The following KALRN variants were observed in gnomAD, a reference collection of about 807,000 sequenced individuals.
The protein encoded by KALRN is kalirin.
KALRN carries 70 observed loss-of-function variants against 353.7 expected under a neutral mutation model. The ratio of observed to expected loss-of-function variants is 0.20; its 90% CI spans 0.16 to 0.24. The LOEUF is 0.24. Among genes scored for constraint, KALRN ranks in the 10% least tolerant of loss-of-function variants. The probability of loss-of-function intolerance (pLI) is 1.00; values close to 1 mark genes in which losing one functional copy is unlikely to be tolerated. For missense variants in KALRN, 2,791 were observed against 3,756.7 expected (o/e 0.74, Z 6.72); for synonymous variants, 1,391 against 1,434.8 (o/e 0.97, Z 0.69).
chr3:124,327,016 A>G (rs2079985544), intron 7 of KALRN, among the ~76,000 whole-genome samples: 1 of 152,152 alleles, frequency 6.6e-6, no homozygotes, highest in Admixed American at 6.6e-5. Flanking sequence ...TGTATGGATC[A>G]CCTCTTCCCA....
At chr3:124,187,199 G>A (rs923130321) in intron 1 of KALRN, among the ~76,000 whole-genome samples, 11 of 152,148 alleles carry the variant, frequency 7.2e-5, no homozygotes, top group African/African-American at 2.7e-4. Flanking sequence ...TCCTGCTTCA[G>A]CCTCTTGAGT....
chr3:124,600,637 ATT>A (rs2149446529), intron 34 of KALRN, among the ~76,000 whole-genome samples: 1 of 149,218 alleles, frequency 6.7e-6, no homozygotes, highest in African/African-American at 2.6e-5. Flanking sequence ...ATACCATGAA[ATT>A]TATATATATA....
At chr3:124,089,411 A>C (rs192395993) in intron 1 of KALRN, among the ~76,000 whole-genome samples, 1 of 152,188 alleles carries the variant, frequency 6.6e-6, no homozygotes, top group African/African-American at 2.4e-5. Context: ...AGGGACTGAG[A>C]GATGTGAGGA....
chr3:124,214,384 T>C (rs1047815919), intron 1 of KALRN, among the ~76,000 whole-genome samples: 1 of 152,208 alleles, frequency 6.6e-6, no homozygotes. Context: ...TTTTGAAATA[T>C]ATAAAGCTAT....
At chr3:124,400,092 C>A (rs886298715) in intron 13 of KALRN, among the ~76,000 whole-genome samples, 1 of 152,196 alleles carries the variant, frequency 6.6e-6, no homozygotes, top group African/African-American at 2.4e-5. Context: ...GTGAGCTTCC[C>A]AATAATATCT....
intron 37 of KALRN, among the ~76,000 whole-genome samples, chr3:124,642,808 T>TGTTG (rs796191820): frequency 7.9e-6 from 1 of 126,846 alleles, no homozygotes; most frequent in African/African-American, 3.4e-5. Context: ...CAAGCCTCGT[T>TGTTG]TTTTTTTTTT....
chr3:124,192,409 G>C (rs1034129630), intron 1 of KALRN, among the ~76,000 whole-genome samples: 10 of 152,134 alleles, frequency 6.6e-5, no homozygotes, highest in Non-Finnish European at 1.3e-4. Context: ...GAGCGGGGAG[G>C]TGGGAATGGT....
intron 1 of KALRN, among the ~76,000 whole-genome samples, chr3:124,156,173 C>T (rs897883958): frequency 6.6e-6 from 1 of 152,186 alleles, no homozygotes; most frequent in Non-Finnish European, 1.5e-5. Context: ...CTGGTCTAGG[C>T]ACCTTTAAGT....
chr3:124,612,846 G>A lies in KALRN; in HGVS notation c.5183-19574G>A, dbSNP rs1170243804. 5.3e-5 allele frequency among the ~76,000 whole-genome samples: 8 copies of A among 152,254 alleles called. No homozygotes were observed. The East Asian group carries it at 7.7e-4, about 15-fold the overall frequency. Reference sequence around the variant, plus strand: ...CTCAACAAGCATGTGTTGAATGAACGAATAATAAAGTAGTATCTTCAAATA... The same window carrying A: ...CTCAACAAGCATGTGTTGAATGAACAAATAATAAAGTAGTATCTTCAAATA... On this transcript the variant is annotated intron_variant, in intron 34 of 59. Coordinates refer to ENST00000682506, the MANE Select transcript of KALRN (RefSeq NM_001388419.1).
intron 6 of KALRN, among the ~76,000 whole-genome samples, chr3:124,301,215 G>T (rs1319752662): frequency 6.6e-6 from 1 of 152,212 alleles, no homozygotes; most frequent in Admixed American, 6.5e-5. Flanking sequence ...TGAATTAACT[G>T]CTCTTCTCTG....
At position 124,587,698 on chromosome 3, in the gene KALRN, C is replaced by CTTTTTTTTTTTTTTTTTTTTT. The variant is rs529810541; in HGVS notation, c.5182+24614_5182+24634dup. 2.1e-4 allele frequency among the ~76,000 whole-genome samples: 16 copies of CTTTTTTTTTTTTTTTTTTTTT among 75,858 alleles called. 1 individual carries two copies. The highest frequency in any genetic ancestry group is 2.3e-4 in the Non-Finnish European group (10 of 42,642). 49.8% of individuals were successfully genotyped at this position (75,858 alleles called of 152,430 possible). On this transcript the variant is annotated intron_variant, in intron 34 of 59. Coordinates refer to ENST00000682506, the MANE Select transcript of KALRN (RefSeq NM_001388419.1). ...TTTTTCCCTCCACCCCCACCCTCCA[C>CTTTTTTTTTTTTTTTTTTTTT]TTTTTTTTTTTTTTTTTTTTTTTTT...
At chr3:124,590,195 A>G (rs1316137567) in intron 34 of KALRN, among the ~76,000 whole-genome samples, 3 of 152,130 alleles carry the variant, frequency 2.0e-5, no homozygotes, top group African/African-American at 7.2e-5. Flanking sequence ...ACCTAGATAC[A>G]GTATCAATTA....
chr3:124,355,926 G>T (rs1040240642), intron 10 of KALRN, among the ~76,000 whole-genome samples: 10 of 151,776 alleles, frequency 6.6e-5, no homozygotes, highest in African/African-American at 2.4e-4. Flanking sequence ...TGTTGGCCAG[G>T]CTGGTCTCGA....
At chr3:124,209,731 G>C (rs1405246914) in intron 1 of KALRN, among the ~76,000 whole-genome samples, 1 of 152,158 alleles carries the variant, frequency 6.6e-6, no homozygotes, top group Non-Finnish European at 1.5e-5. Context: ...TTGCAAACTT[G>C]ATCTCATGAC....
At chr3:124,330,021 C>G (rs750761248) in intron 8 of KALRN, 29 bp downstream of exon 8, 1 of 1,609,276 alleles carries the variant, frequency 6.2e-7, no homozygotes, top group South Asian at 1.1e-5. Flanking sequence ...AACCATGGTT[C>G]TTGGGCATGT....
chr3:124,425,039 C>T (rs2092953485), intron 15 of KALRN, among the ~76,000 whole-genome samples: 1 of 151,922 alleles, frequency 6.6e-6, no homozygotes, highest in Non-Finnish European at 1.5e-5. Context: ...ATGAGCCAGG[C>T]ACAGAAATAC....
At chr3:124,505,070 G>A in intron 33 of KALRN, 1 of 457,608 alleles carries the variant, frequency 2.2e-6, no homozygotes, top group Non-Finnish European at 4.5e-6. Context: ...TGGCTTTCAG[G>A]GCAAGGATTT....
Position 124,719,809 on chromosome 3 carries a change from A to T in KALRN, c.*339A>T, listed in dbSNP as rs1375077328. The T allele has an allele frequency of 4.5e-6, 1 of 222,678 alleles. No individual in the cohort carries two copies. The highest frequency in any genetic ancestry group is 9.0e-6 in the Non-Finnish European group (1 of 111,342). The allele number at this position is 222,678 out of a possible 1,614,324, so 13.8% of individuals were successfully genotyped here. A position where few individuals can be genotyped will look rare whatever the true frequency, so the allele number is the denominator to read the frequency against. Reference sequence around the variant, plus strand: ...GGTTAACTGGGCAAACCTTAAGCTCACAAGAGTATAAAAGATCTCTGGCTT... The same window carrying T: ...GGTTAACTGGGCAAACCTTAAGCTCTCAAGAGTATAAAAGATCTCTGGCTT... On this transcript the variant is annotated 3_prime_UTR_variant, in exon 60 of 60. Coordinates refer to ENST00000682506, the MANE Select transcript of KALRN (RefSeq NM_001388419.1). The surrounding 1 kb of genome is among the most constrained non-coding windows in gnomAD (Gnocchi z 5.3).
At chr3:124,634,549 C>T (rs1241111736) in intron 36 of KALRN, among the ~76,000 whole-genome samples, 1 of 152,216 alleles carries the variant, frequency 6.6e-6, no homozygotes, top group African/African-American at 2.4e-5. Flanking sequence ...TCGATGCCCC[C>T]TGTGTCTCCA....
Sources: gnomAD v4.1 joint callset for allele counts (sites outside exome capture counted in the v4.1 genomes callset) on GRCh38, gnomAD v4.1.1 for gene constraint, Gnocchi (gnomAD v3.1) non-coding constraint, MANE v1.5 for transcripts, NCBI Gene and HGNC (gene_info 2026-07-23, HGNC 2026-07-21) for gene names.